Variants in XPC observed in about 807,000 individuals in gnomAD.
XPC encodes XPC complex subunit, DNA damage recognition and repair factor, also known as DNA repair protein complementing XP-C cells.
In XPC, 76 loss-of-function variants were observed where a neutral mutation model predicts 95.8. That is an observed-to-expected ratio of 0.79 (90% CI 0.66 to 0.96). XPC has a LOEUF of 0.96. Ranked by LOEUF, XPC falls within the 40% of genes least tolerant of loss-of-function variation. The pLI is 0.00. For missense variants in XPC, 1,146 were observed against 1,179.8 expected (o/e 0.97, Z 0.42); for synonymous variants, 442 against 442.1 (o/e 1.00, Z 0.00).
intron 7 of XPC, among the ~76,000 whole-genome samples, chr3:14,161,679 T>A (rs1696173083): frequency 6.9e-6 from 1 of 144,360 alleles, no homozygotes; most frequent in Non-Finnish European, 1.5e-5. Context: ...GGGAACTGAG[T>A]CAACGTGATA....
intron 1 of XPC, 69 bp downstream of exon 1, chr3:14,178,397 G>A: frequency 6.6e-7 from 1 of 1,504,580 alleles, no homozygotes; most frequent in Non-Finnish European, 8.9e-7. Flanking sequence ...CTGGACTCCC[G>A]CCCTGCCTCT....
At chr3:14,146,958 C>G (rs745581991) in intron 15 of XPC, among the ~76,000 whole-genome samples, 5 of 152,216 alleles carry the variant, frequency 3.3e-5, no homozygotes, top group Non-Finnish European at 7.3e-5. Flanking sequence ...ACTGGGAACA[C>G]TGGAAGGCGG....
At chr3:14,153,512 G>C (rs1559372132) in intron 10 of XPC, 1 of 153,492 alleles carries the variant, frequency 6.5e-6, no homozygotes, top group Non-Finnish European at 1.5e-5. Flanking sequence ...TGTGTTCTCA[G>C]CACGTTTAAG....
chr3:14,164,820 A>G lies in XPC; in HGVS notation c.893T>C (p.Leu298Ser), dbSNP rs1238753886. ...AIYSARDDEE[L>S]VHIFLLILRA... The stretch of plus-strand genomic sequence containing the variant: ...TCCGGGAGGATCACTTACATGGACC[A>G]ATTCCTCATCATCTCGAGCAGAGTA... Residue 298 changes from leucine to serine, a missense_variant, in exon 7 of 16, where the codon TTG becomes TCG. Leu to Ser is a moderately radical substitution (Grantham distance 145). Transcript: ENST00000285021. The G allele has an allele frequency of 6.2e-7, 1 of 1,613,320 alleles. No individual in the cohort carries two copies. Among genetic ancestry groups the G allele is most frequent in the African/African-American group, 1.3e-5 (1 of 75,010 alleles).
Position 14,158,206 on chromosome 3 carries a change from G to A in XPC, c.1677C>T (p.Tyr559=), listed in dbSNP as rs767569346. The part of the protein sequence containing the change: ...HGVVGQPLTC[Y]KYATKPMTYV... ...AGGTCATGGGCTTGGTGGCGTACTT[G>A]TAACAGGTCAGAGGCTGGCCCACCA... Residue 559 remains tyrosine, a synonymous_variant, in exon 9 of 16, where the codon TAC becomes TAT. Transcript: ENST00000285021. This position sits in a 1 kb window ranked among gnomAD's most constrained non-coding sequence, Gnocchi z 5.2. 1.4e-5 allele frequency: 23 copies of A among 1,613,812 alleles called. No individual in the cohort carries two copies. Among genetic ancestry groups the A allele is most frequent in the African/African-American group, 6.7e-5 (5 of 74,886 alleles).
intron 10 of XPC, among the ~76,000 whole-genome samples, 159 bp downstream of exon 10, chr3:14,156,176 T>C (rs1695895139): frequency 6.6e-6 from 1 of 152,146 alleles, no homozygotes; most frequent in African/African-American, 2.4e-5. Flanking sequence ...AATTTTCTTC[T>C]CTCCTACACA....
chr3:14,152,456 C>T (rs779586777), intron 10 of XPC, 40 bp from the exon 11 acceptor site: 1 of 1,571,698 alleles, frequency 6.4e-7, no homozygotes, highest in Non-Finnish European at 8.7e-7. Flanking sequence ...ACTCAGTCCA[C>T]AGCCCCACTG....
At chr3:14,162,331 C>T (rs1696198018) in intron 7 of XPC, among the ~76,000 whole-genome samples, 1 of 152,196 alleles carries the variant, frequency 6.6e-6, no homozygotes, top group African/African-American at 2.4e-5. Flanking sequence ...ATAACCAAAG[C>T]ACACTGTAAA....
intron 10 of XPC, 189 bp from the exon 11 acceptor site, chr3:14,152,605 T>G (rs1232536744): frequency 3.7e-6 from 2 of 536,868 alleles, no homozygotes; most frequent in Admixed American, 3.8e-5. Flanking sequence ...GCCTGTCTTT[T>G]GGGGGATGTG....
At chr3:14,178,220 G>C (rs1696917016) in intron 1 of XPC, 1 of 523,542 alleles carries the variant, frequency 1.9e-6, no homozygotes, top group Admixed American at 3.9e-5. Flanking sequence ...GGACAACGGG[G>C]AGCGGGAAAA....
chr3:14,170,184 A>G (rs1295888515), intron 3 of XPC, among the ~76,000 whole-genome samples: 2 of 152,246 alleles, frequency 1.3e-5, no homozygotes, highest in South Asian at 4.1e-4. Flanking sequence ...TCCTTCTCCT[A>G]AATAGTGCTG....
At chr3:14,166,949 C>T (rs774503944) in intron 5 of XPC, among the ~76,000 whole-genome samples, 5 of 152,196 alleles carry the variant, frequency 3.3e-5, no homozygotes, top group Non-Finnish European at 7.3e-5. Context: ...CTGCTGCATG[C>T]CAGGCATTGT....
chr3:14,148,074 G>T, intron 13 of XPC, 73 bp from the exon 14 acceptor site: 2 of 1,324,854 alleles, frequency 1.5e-6, no homozygotes, highest in South Asian at 2.8e-5. Context: ...CCCAGTTTGT[G>T]GAAGACAGTG....
At chr3:14,170,614 TA>T in intron 2 of XPC, 64 bp from the exon 3 acceptor site, 1 of 1,311,706 alleles carries the variant, frequency 7.6e-7, no homozygotes, top group Non-Finnish European at 1.1e-6. Flanking sequence ...CCATTCAAGC[TA>T]AATGGAATTT....
chr3:14,164,779 T>G (rs1247278419), intron 7 of XPC, 34 bp downstream of exon 7: 2 of 1,608,300 alleles, frequency 1.2e-6, no homozygotes, highest in Non-Finnish European at 8.5e-7. Flanking sequence ...TTAACAGTAC[T>G]GATAAAAAAC....
chr3:14,147,547 G>T, intron 14 of XPC, 168 bp from the exon 15 acceptor site: 1 of 689,792 alleles, frequency 1.4e-6, no homozygotes, highest in East Asian at 2.7e-5. Context: ...TTTACAAAGT[G>T]ATATACTATA....
intron 1 of XPC, 104 bp downstream of exon 1, chr3:14,178,362 A>G: frequency 7.6e-7 from 1 of 1,317,736 alleles, no homozygotes; most frequent in Non-Finnish European, 1.0e-6. Context: ...GAACGCGCGC[A>G]GCAACCTCCA....
At chr3:14,162,928 G>A (rs949337664) in intron 7 of XPC, among the ~76,000 whole-genome samples, 3 of 151,942 alleles carry the variant, frequency 2.0e-5, no homozygotes, top group Admixed American at 6.6e-5. Flanking sequence ...CAACAAAAAG[G>A]CAACATAATT....
chr3:14,170,389 A>G, intron 3 of XPC, 49 bp downstream of exon 3: 1 of 1,581,430 alleles, frequency 6.3e-7, no homozygotes, highest in Non-Finnish European at 8.7e-7. Context: ...AATCAAACAA[A>G]AAAACAAACA....
Sources: allele counts gnomAD v4.1 joint callset (sites outside exome capture counted in the v4.1 genomes callset), GRCh38; gene constraint gnomAD v4.1.1; non-coding constraint Gnocchi (gnomAD v3.1); transcripts MANE v1.5; gene names NCBI Gene and HGNC (gene_info 2026-07-23, HGNC 2026-07-21).